Variants in KCNAB1 observed in about 807,000 individuals in gnomAD.
The protein encoded by KCNAB1 is voltage-gated potassium channel subunit beta-1.
Under a neutral mutation model 64.6 loss-of-function variants are expected in KCNAB1, and 35 were observed. The observed-to-expected ratio is 0.54, with a 90% CI of 0.41 to 0.72. KCNAB1 has a LOEUF of 0.72. Ranked by LOEUF, KCNAB1 falls within the 30% of genes least tolerant of loss-of-function variation. The probability of loss-of-function intolerance (pLI) is 0.00; values close to 1 mark genes in which losing one functional copy is unlikely to be tolerated. For synonymous variants in KCNAB1, 177 were observed against 183.8 expected, an observed-to-expected ratio of 0.96 and a Z score of 0.30; for missense variants, 401 against 512.9, an observed-to-expected ratio of 0.78 and a Z score of 2.11.
chr3:156,295,415 C>T (rs1720711913), intron 1 of KCNAB1, among the ~76,000 whole-genome samples: 1 of 152,144 alleles, frequency 6.6e-6, no homozygotes. Flanking sequence ...CCTATGTTTA[C>T]CACCCATTAA....
At chr3:156,261,244 T>G (rs1256360273) in intron 1 of KCNAB1, among the ~76,000 whole-genome samples, 1 of 152,046 alleles carries the variant, frequency 6.6e-6, no homozygotes, top group Non-Finnish European at 1.5e-5. Flanking sequence ...ATAATTTTTA[T>G]TTTTAGGAAG....
chr3:156,292,195 A>G lies in KCNAB1; in HGVS notation c.276-129421A>G, dbSNP rs17235499. ...TATACAGGTGCAGTGGAGACAGTCC[A>G]TCGGTTTTGAAAAGTGATTTACTCA... On this transcript the variant is annotated intron_variant, in intron 1 of 13. Coordinates refer to ENST00000490337, the MANE Select transcript of KCNAB1 (RefSeq NM_172160.3). The G allele has an allele frequency of 2.0e-3, 3,063 of 1,555,532 alleles. 8 individuals carry two copies. The highest frequency in any genetic ancestry group is 3.5e-3 in the South Asian group (310 of 87,874).
intron 1 of KCNAB1, among the ~76,000 whole-genome samples, chr3:156,273,067 G>A (rs974241870): frequency 2.6e-5 from 4 of 151,256 alleles, no homozygotes; most frequent in Non-Finnish European, 4.4e-5. Context: ...TACCATGGCC[G>A]AGCTGATACC....
chr3:156,208,225 C>T (rs1216875498), intron 1 of KCNAB1, among the ~76,000 whole-genome samples: 1 of 152,116 alleles, frequency 6.6e-6, no homozygotes, highest in Non-Finnish European at 1.5e-5. Flanking sequence ...TTTCCCATTC[C>T]TGAAGGTTGC....
chr3:156,131,569 A>G (rs1317360130), intron 1 of KCNAB1, among the ~76,000 whole-genome samples: 1 of 152,206 alleles, frequency 6.6e-6, no homozygotes, highest in African/African-American at 2.4e-5. Flanking sequence ...TATTAAAGGT[A>G]ACCCTAGCTG....
chr3:156,325,144 A>G (rs1228248225), intron 1 of KCNAB1, among the ~76,000 whole-genome samples: 1 of 152,144 alleles, frequency 6.6e-6, no homozygotes, highest in African/African-American at 2.4e-5. Context: ...TGTGAGGTGG[A>G]TACTACTATC....
intron 1 of KCNAB1, among the ~76,000 whole-genome samples, chr3:156,178,154 T>C (rs2108339708): frequency 6.6e-6 from 1 of 152,330 alleles, no homozygotes; most frequent in Non-Finnish European, 1.5e-5. Context: ...GATTCGAGTT[T>C]CCACTGTGAT....
At chr3:156,157,385 A>G (rs1577651216) in intron 1 of KCNAB1, among the ~76,000 whole-genome samples, 2 of 152,348 alleles carry the variant, frequency 1.3e-5, no homozygotes, top group East Asian at 3.9e-4. Flanking sequence ...GAATACAGAA[A>G]GGTTTTCCAC....
chr3:156,148,757 T>C (rs1011045945), intron 1 of KCNAB1, among the ~76,000 whole-genome samples: 5 of 152,228 alleles, frequency 3.3e-5, no homozygotes, highest in African/African-American at 9.6e-5. Flanking sequence ...TGTGTGTCTA[T>C]TTATAAAGGA....
rs190614853 is a variant in KCNAB1, at chr3:156,276,929, T to C, written c.276-144687T>C. Among the ~76,000 whole-genome samples, 26 of 152,334 alleles carry C rather than the reference T, an allele frequency of 1.7e-4. 1 individual carries two copies. Among genetic ancestry groups the C allele is most frequent in the Admixed American group, 1.7e-3 (26 of 15,292 alleles). ...TTCCTTCAGGAATTTTTCCTTTGCA[T>C]TCACAACTTGGCTGTTTGGCAAAAG... On this transcript the variant is annotated intron_variant, in intron 1 of 13. Coordinates refer to ENST00000490337, the MANE Select transcript of KCNAB1 (RefSeq NM_172160.3).
chr3:156,261,160 A>G (rs993203630), intron 1 of KCNAB1, among the ~76,000 whole-genome samples: 3 of 152,086 alleles, frequency 2.0e-5, no homozygotes, highest in African/African-American at 7.2e-5. Flanking sequence ...TTTATCAAGC[A>G]TAGGATTTGA....
intron 1 of KCNAB1, among the ~76,000 whole-genome samples, chr3:156,411,661 G>C (rs181588055): frequency 5.4e-4 from 82 of 152,222 alleles, no homozygotes; most frequent in African/African-American, 1.8e-3. Flanking sequence ...TCAAAAATTA[G>C]TTAACTGTAC....
chr3:156,248,608 GA>G (rs1717614705), intron 1 of KCNAB1, among the ~76,000 whole-genome samples: 1 of 151,718 alleles, frequency 6.6e-6, no homozygotes, highest in African/African-American at 2.4e-5. Flanking sequence ...TGAGAAGAGA[GA>G]TAATACCTAA....
rs55837389 is a variant in KCNAB1, at chr3:156,234,234, A to C, written c.275+113348A>C. On this transcript the variant is annotated intron_variant, in intron 1 of 13. Transcript: ENST00000490337. ...AAAACCAGGAGAGGGAGTGTCCTGG[A>C]AACCAGATGAGGACCATGCTTGAAG... Among the ~76,000 whole-genome samples the C allele has an allele frequency of 2.7e-3, 414 of 152,212 alleles. 1 individual carries two copies. The highest frequency in any genetic ancestry group is 9.5e-3 in the African/African-American group (396 of 41,526).
rs538628370 is a variant in KCNAB1, at chr3:156,156,284, G to GTGTAGGCCTACACATTGTGTAGGCCTA, written c.275+35399_275+35400insGTAGGCCTACACATTGTGTAGGCCTAT. On this transcript the variant is annotated intron_variant, in intron 1 of 13. Coordinates refer to ENST00000490337, the MANE Select transcript of KCNAB1 (RefSeq NM_172160.3). ...TTCTTTACTGCACAATAGGCACATTGTACAAAAATGTGTAGGCCATTTTAA... is the reference window on the plus strand; with the variant it reads ...TTCTTTACTGCACAATAGGCACATTGTGTAGGCCTACACATTGTGTAGGCCTATACAAAAATGTGTAGGCCATTTTAA... 7.9e-3 allele frequency among the ~76,000 whole-genome samples: 1,197 copies of GTGTAGGCCTACACATTGTGTAGGCCTA among 152,294 alleles called. 22 individuals carry two copies. Among genetic ancestry groups the GTGTAGGCCTACACATTGTGTAGGCCTA allele is most frequent in the East Asian group, 0.066 (340 of 5,168 alleles).
At chr3:156,246,838 TAGTG>T (rs914579801) in intron 1 of KCNAB1, among the ~76,000 whole-genome samples, 3 of 152,102 alleles carry the variant, frequency 2.0e-5, no homozygotes, top group Non-Finnish European at 2.9e-5. Flanking sequence ...GTGACAAAGG[TAGTG>T]AGTGTTTATA....
intron 2 of KCNAB1, among the ~76,000 whole-genome samples, chr3:156,445,257 C>T (rs1302752792): frequency 6.6e-6 from 1 of 152,162 alleles, no homozygotes; most frequent in Non-Finnish European, 1.5e-5. Flanking sequence ...GATTGTGCCA[C>T]TGCACTCAGG....
chr3:156,360,937 C>G (rs1560216681), intron 1 of KCNAB1, among the ~76,000 whole-genome samples: 1 of 152,082 alleles, frequency 6.6e-6, no homozygotes, highest in African/African-American at 2.4e-5. Flanking sequence ...CTAACCGATC[C>G]TGCTGCTGTC....
At chr3:156,171,769 ACT>A (rs1221109673) in intron 1 of KCNAB1, among the ~76,000 whole-genome samples, 3 of 152,054 alleles carry the variant, frequency 2.0e-5, no homozygotes, top group Non-Finnish European at 2.9e-5. Context: ...TACATAACCA[ACT>A]CTCTTCTCTG....
Sources: allele counts gnomAD v4.1 joint callset (sites outside exome capture counted in the v4.1 genomes callset), GRCh38; gene constraint gnomAD v4.1.1; transcripts MANE v1.5; gene names NCBI Gene and HGNC (gene_info 2026-07-23, HGNC 2026-07-21).